IFT74: variants seen among roughly 807,000 people sequenced by gnomAD.
IFT74 encodes intraflagellar transport 74.
In IFT74, 92 loss-of-function variants were observed where a neutral mutation model predicts 96.7. The observed-to-expected ratio is 0.95, with a 90% CI of 0.80 to 1.13. The LOEUF (loss-of-function observed/expected upper bound fraction) is 1.13. Among genes scored for constraint, IFT74 ranks in the 50% most tolerant of loss-of-function variants. The pLI, the probability that IFT74 is intolerant of heterozygous loss-of-function variation, is 0.00. For missense variants in IFT74, 811 were observed against 698.2 expected, an observed-to-expected ratio of 1.16 and a Z score of -1.82; for synonymous variants, 223 against 213.2, an observed-to-expected ratio of 1.05 and a Z score of -0.40.
At chr9:27,048,098 C>T (rs755396960) in intron 15 of IFT74, 50 bp from the exon 16 acceptor site, 20 of 1,355,646 alleles carry the variant, frequency 1.5e-5, no homozygotes, top group Admixed American at 9.0e-5. Flanking sequence ...TTATTGAGAA[C>T]TAACTAAATC....
chr9:27,018,761 G>C, intron 12 of IFT74, 74 bp downstream of exon 12: 2 of 860,976 alleles, frequency 2.3e-6, no homozygotes, highest in Non-Finnish European at 3.5e-6. Flanking sequence ...GTACAGGAGT[G>C]GCTTTCATTC....
At position 27,001,211 on chromosome 9, in the gene IFT74, G is replaced by A. The variant is rs569407806; in HGVS notation, c.588-7809G>A. On this transcript the variant is annotated intron_variant, in intron 8 of 19. Coordinates refer to ENST00000380062, the MANE Select transcript of IFT74 (RefSeq NM_025103.4). ...TTTTTTAATCCATTCATCTGTTGATGGGCACTTAGGTTGATTCCATAGTTT... is the reference window on the plus strand; with the variant it reads ...TTTTTTAATCCATTCATCTGTTGATAGGCACTTAGGTTGATTCCATAGTTT... Among the ~76,000 whole-genome samples, 19 of 152,036 alleles carry A rather than the reference G, an allele frequency of 1.2e-4. 1 individual carries two copies. In the South Asian group the frequency reaches 3.7e-3, roughly 30 times the overall value.
At chr9:27,039,256 C>T (rs150967502) in intron 13 of IFT74, among the ~76,000 whole-genome samples, 10 of 152,226 alleles carry the variant, frequency 6.6e-5, no homozygotes, top group Admixed American at 1.3e-4. Context: ...GTCTCGAACT[C>T]GCAGCCTCAA....
At chr9:27,050,938 A>G (rs1819893711) in intron 16 of IFT74, among the ~76,000 whole-genome samples, 1 of 152,158 alleles carries the variant, frequency 6.6e-6, no homozygotes, top group South Asian at 2.1e-4. Context: ...TAATACCTTT[A>G]TCTGGATTCC....
At chr9:27,008,699 A>T (rs1358695817) in intron 8 of IFT74, among the ~76,000 whole-genome samples, 1 of 152,176 alleles carries the variant, frequency 6.6e-6, no homozygotes, top group Non-Finnish European at 1.5e-5. Flanking sequence ...AAAAAAGTAT[A>T]AATGCATCCT....
chr9:27,000,926 A>T (rs766017193), intron 8 of IFT74, among the ~76,000 whole-genome samples: 2 of 152,170 alleles, frequency 1.3e-5, no homozygotes, highest in Admixed American at 6.5e-5. Context: ...GTATGTTTGT[A>T]TGCATTAATA....
chr9:27,015,893 A>C (rs1019036610), intron 10 of IFT74, among the ~76,000 whole-genome samples: 3 of 152,208 alleles, frequency 2.0e-5, no homozygotes, highest in African/African-American at 7.2e-5. Context: ...CTCAGTAAAC[A>C]AGAGTCTCAA....
intron 1 of IFT74, among the ~76,000 whole-genome samples, chr9:26,958,897 A>G (rs978631639): frequency 1.8e-4 from 27 of 152,186 alleles, no homozygotes; most frequent in Admixed American, 2.0e-4. Context: ...AGGACAGATC[A>G]AGGAGACAGA....
At chr9:27,006,081 TG>T (rs1233097638) in intron 8 of IFT74, among the ~76,000 whole-genome samples, 1 of 152,098 alleles carries the variant, frequency 6.6e-6, no homozygotes, top group Admixed American at 6.5e-5. Context: ...TGACCTCAGG[TG>T]ATACCCCTGC....
At chr9:27,017,837 A>G (rs1735172212) in intron 11 of IFT74, among the ~76,000 whole-genome samples, 1 of 152,198 alleles carries the variant, frequency 6.6e-6, no homozygotes, top group African/African-American at 2.4e-5. Context: ...TTAGCTCCAA[A>G]TTATAATTAG....
At chr9:26,964,461 C>G (rs1826517722) in intron 2 of IFT74, among the ~76,000 whole-genome samples, 1 of 151,300 alleles carries the variant, frequency 6.6e-6, no homozygotes, top group African/African-American at 2.4e-5. Context: ...TTTTTTGGTT[C>G]CATATGAACT....
chr9:27,020,629 T>C (rs1829556181), intron 12 of IFT74, among the ~76,000 whole-genome samples: 2 of 151,846 alleles, frequency 1.3e-5, no homozygotes, highest in Non-Finnish European at 2.9e-5. Context: ...CGCCCGCCAC[T>C]GCGCCTGGCT....
At chr9:27,028,680 C>T (rs145035350) in intron 12 of IFT74, 2,888 of 161,784 alleles carry the variant, frequency 0.018, 34 homozygotes, top group Middle Eastern at 0.03. Flanking sequence ...CGCTTTTTCC[C>T]GGGAGGCAGA....
exon 1 of IFT74, chr9:26,947,119 C>A: frequency 7.2e-7 from 1 of 1,390,742 alleles, no homozygotes; most frequent in East Asian, 3.0e-5. Flanking sequence ...CGGAGAGCGC[C>A]GGGCCGCGGC....
At chr9:26,995,698 T>G (rs745437848) in intron 8 of IFT74, 7 of 1,613,900 alleles carry the variant, frequency 4.3e-6, no homozygotes, top group Non-Finnish European at 5.9e-6. Flanking sequence ...AGGTTTCTGC[T>G]TCATGCTCTT....
Position 26,979,151 on chromosome 9 carries a change from A to AT in IFT74, c.256+900dup, listed in dbSNP as rs10536892. Reference sequence around the variant, plus strand: ...ATATCATCCCTTTCAAGAGACTTAAATTTTTTTTTTTTGAGACTTAAATTT... The same window carrying AT: ...ATATCATCCCTTTCAAGAGACTTAAATTTTTTTTTTTTTGAGACTTAAATTT... On this transcript the variant is annotated intron_variant, in intron 3 of 19. Coordinates refer to ENST00000380062, the MANE Select transcript of IFT74 (RefSeq NM_025103.4). Among the ~76,000 whole-genome samples, 1,339 of 148,038 alleles carry AT rather than the reference A, an allele frequency of 9.0e-3. 14 individuals are homozygous for AT. The highest frequency in any genetic ancestry group is 0.029 in the African/African-American group (1,172 of 40,766).
chr9:27,045,516 C>T (rs765374669), intron 14 of IFT74, among the ~76,000 whole-genome samples: 2 of 152,094 alleles, frequency 1.3e-5, no homozygotes, highest in Non-Finnish European at 2.9e-5. Context: ...CAGATATTGT[C>T]ACTTTTTTCT....
At chr9:27,044,977 A>T (rs980138672) in intron 14 of IFT74, among the ~76,000 whole-genome samples, 182 bp downstream of exon 14, 5 of 152,216 alleles carry the variant, frequency 3.3e-5, no homozygotes, top group African/African-American at 1.2e-4. Context: ...AGAAAATTCT[A>T]AAAAGATATG....
chr9:27,047,152 C>G, intron 14 of IFT74, 122 bp from the exon 15 acceptor site: 1 of 546,166 alleles, frequency 1.8e-6, no homozygotes, highest in Non-Finnish European at 3.2e-6. Context: ...AGCCTGGCAA[C>G]AGAGTGAGAC....
Sources: gnomAD v4.1 joint callset for allele counts (sites outside exome capture counted in the v4.1 genomes callset) on GRCh38, gnomAD v4.1.1 for gene constraint, MANE v1.5 for transcripts, NCBI Gene and HGNC (gene_info 2026-07-23, HGNC 2026-07-21) for gene names.